Variants in HTR7 observed in about 807,000 individuals in gnomAD.
The protein encoded by HTR7 is 5-HT-7.
Under a neutral mutation model 34.0 loss-of-function variants are expected in HTR7, and 16 were observed. The observed-to-expected ratio is 0.47, with a 90% CI of 0.32 to 0.71. HTR7 has a LOEUF of 0.71. Ranked by LOEUF, HTR7 falls within the 30% of genes least tolerant of loss-of-function variation. HTR7 has a pLI of 0.04. For missense variants in HTR7, 504 were observed against 625.5 expected (o/e 0.81, Z 2.07); for synonymous variants, 265 against 260.2 (o/e 1.02, Z -0.18).
At chr10:90,838,298 T>A (rs1190996719) in intron 1 of HTR7, among the ~76,000 whole-genome samples, 1 of 152,172 alleles carries the variant, frequency 6.6e-6, no homozygotes, top group Non-Finnish European at 1.5e-5. Context: ...ACAAGAGTCA[T>A]CCTTCATGCC....
In HTR7 at chr10:90,779,284, A is replaced by T. The variant is rs147223766; in HGVS notation, c.540-29690T>A. Among the ~76,000 whole-genome samples, 77 of 152,354 alleles carry T rather than the reference A, an allele frequency of 5.1e-4. 1 individual carries two copies. Among genetic ancestry groups the T allele is most frequent in the Non-Finnish European group, 1.1e-3 (74 of 68,032 alleles). On this transcript the variant is annotated intron_variant, in intron 1 of 3. Coordinates refer to ENST00000336152, the MANE Select transcript of HTR7 (RefSeq NM_019859.4). ...AGGACAAATAGAGAAAGAGGGACCA[A>T]CATCACCAGGAATGACAAAATAGAA... is the stretch of plus-strand genomic sequence containing the variant.
In HTR7 at chr10:90,840,177, T is replaced by TCACACACACA. The variant is rs35170324; in HGVS notation, c.539+16946_539+16955dup. Among the ~76,000 whole-genome samples the TCACACACACA allele has an allele frequency of 9.1e-4, 125 of 136,884 alleles. 2 individuals carry two copies. Among genetic ancestry groups the TCACACACACA allele is most frequent in the African/African-American group, 3.0e-3 (111 of 36,546 alleles). The allele number at this position is 136,884 out of a possible 152,430, so 89.8% of individuals were successfully genotyped here. The stretch of plus-strand genomic sequence containing the variant: ...CTCCATCTGTTTCTCTCTCTCTCTC[T>TCACACACACA]CACACACACACACACACACACACAC... On this transcript the variant is annotated intron_variant, in intron 1 of 3. Transcript: ENST00000336152.
chr10:90,830,408 TG>T (rs1846148450), intron 1 of HTR7, among the ~76,000 whole-genome samples: 1 of 152,218 alleles, frequency 6.6e-6, no homozygotes, highest in African/African-American at 2.4e-5. Flanking sequence ...TTTTTTATTC[TG>T]GAACACCTAA....
intron 1 of HTR7, among the ~76,000 whole-genome samples, chr10:90,772,904 A>G (rs902800142): frequency 6.6e-6 from 1 of 152,204 alleles, no homozygotes; most frequent in African/African-American, 2.4e-5. Context: ...AAATGAGGAA[A>G]CTGAGGCTCA....
intron 1 of HTR7, among the ~76,000 whole-genome samples, chr10:90,803,293 G>A (rs777662273): frequency 2.6e-5 from 4 of 152,110 alleles, no homozygotes; most frequent in African/African-American, 9.7e-5. Flanking sequence ...GTTGGCATAT[G>A]AGGGTCTTGT....
chr10:90,856,513 A>C (rs1846582982), intron 1 of HTR7, among the ~76,000 whole-genome samples: 1 of 152,250 alleles, frequency 6.6e-6, no homozygotes, highest in African/African-American at 2.4e-5. Flanking sequence ...GAAAGGCTAG[A>C]ACCAGCCATT....
intron 1 of HTR7, among the ~76,000 whole-genome samples, chr10:90,848,971 A>G (rs1846453528): frequency 6.6e-6 from 1 of 152,248 alleles, no homozygotes; most frequent in Non-Finnish European, 1.5e-5. Flanking sequence ...CTGTGTTTTA[A>G]TAAGCTCTCC....
intron 1 of HTR7, among the ~76,000 whole-genome samples, chr10:90,851,604 C>CAAAAAA (rs34310653): frequency 2.9e-5 from 2 of 69,178 alleles, no homozygotes; most frequent in African/African-American, 1.2e-4. Flanking sequence ...GACTCCGTCC[C>CAAAAAA]AAAAAAAAAA....
chr10:90,849,046 T>C (rs1399518332), intron 1 of HTR7, among the ~76,000 whole-genome samples: 1 of 152,248 alleles, frequency 6.6e-6, no homozygotes, highest in African/African-American at 2.4e-5. Context: ...TGTATGAATA[T>C]ACCACAATTT....
At chr10:90,791,483 T>C (rs1245917502) in intron 1 of HTR7, among the ~76,000 whole-genome samples, 1 of 151,962 alleles carries the variant, frequency 6.6e-6, no homozygotes, top group Non-Finnish European at 1.5e-5. Flanking sequence ...CACAGAAAGA[T>C]TCAGAGGTAG....
chr10:90,798,398 G>A (rs1041921014), intron 1 of HTR7, among the ~76,000 whole-genome samples: 2 of 152,130 alleles, frequency 1.3e-5, no homozygotes, highest in African/African-American at 4.8e-5. Flanking sequence ...GGTTAAATTG[G>A]ACTGGGTTGG....
intron 1 of HTR7, among the ~76,000 whole-genome samples, chr10:90,843,261 T>C (rs1846358092): frequency 6.6e-6 from 1 of 152,194 alleles, no homozygotes; most frequent in Admixed American, 6.5e-5. Flanking sequence ...CAAAGTACTA[T>C]GCCAACAGGC....
At chr10:90,808,377 G>T (rs1410228631) in intron 1 of HTR7, among the ~76,000 whole-genome samples, 3 of 151,680 alleles carry the variant, frequency 2.0e-5, no homozygotes, top group South Asian at 4.2e-4. Flanking sequence ...CCGCCTTTCT[G>T]GGGGGCAAGA....
At chr10:90,768,051 A>T (rs973867060) in intron 1 of HTR7, among the ~76,000 whole-genome samples, 3 of 152,156 alleles carry the variant, frequency 2.0e-5, no homozygotes, top group Non-Finnish European at 4.4e-5. Context: ...CCATCTCGAC[A>T]TGTCCAAATA....
chr10:90,749,557 T>C lies in HTR7; in HGVS notation c.577A>G (p.Arg193Gly). 4 of 1,613,834 alleles carry C rather than the reference T, an allele frequency of 2.5e-6. No homozygotes were observed. Among genetic ancestry groups the C allele is most frequent in the Non-Finnish European group, 3.4e-6 (4 of 1,179,830 alleles). ...GITRPLTYPV[R>G]QNGKCMAKMI... is the part of the protein sequence containing the mutation. Reference sequence around the variant, plus strand: ...TTCGCCATGCATTTCCCATTCTGCCTCACAGGGTATGTGAGGGGCCTTGTG... The same window carrying C: ...TTCGCCATGCATTTCCCATTCTGCCCCACAGGGTATGTGAGGGGCCTTGTG... The change falls in exon 2 of 4, where the codon AGG becomes GGG. Residue 193 changes from arginine to glycine, a missense_variant. Physicochemically the swap from Arg to Gly is moderately radical, Grantham distance 125 (BLOSUM62 -2). Coordinates refer to ENST00000336152, the MANE Select transcript of HTR7 (RefSeq NM_019859.4). The surrounding 1 kb of genome is among the most constrained non-coding windows in gnomAD (Gnocchi z 4.2).
intron 1 of HTR7, among the ~76,000 whole-genome samples, chr10:90,795,922 T>C (rs1051984566): frequency 2.6e-5 from 4 of 152,144 alleles, no homozygotes; most frequent in Admixed American, 2.0e-4. Context: ...TTATTATCAA[T>C]AGAAAGGAAC....
intron 1 of HTR7, among the ~76,000 whole-genome samples, chr10:90,754,149 T>G (rs1382006749): frequency 6.6e-6 from 1 of 152,124 alleles, no homozygotes; most frequent in Non-Finnish European, 1.5e-5. Flanking sequence ...AGAAACAATC[T>G]GGTTCATAAA....
At position 90,857,781 on chromosome 10, in the gene HTR7, G is replaced by C; in HGVS notation, c.-110C>G. Reference sequence around the variant, plus strand: ...TTCCGCTCCGCCCGGCCCAGCCATGGGGCCCGCGCCGACCGCTGGGGGGCG... The same window carrying C: ...TTCCGCTCCGCCCGGCCCAGCCATGCGGCCCGCGCCGACCGCTGGGGGGCG... On this transcript the variant is annotated 5_prime_UTR_variant, in exon 1 of 4. Coordinates refer to ENST00000336152, the MANE Select transcript of HTR7 (RefSeq NM_019859.4). This position sits in a 1 kb window ranked among gnomAD's most constrained non-coding sequence, Gnocchi z 6.5. 8.9e-7 allele frequency: 1 copy of C among 1,118,466 alleles called. No homozygotes were observed. The highest frequency in any genetic ancestry group is 1.2e-6 in the Non-Finnish European group (1 of 869,002). 69.3% of individuals were successfully genotyped at this position (1,118,466 alleles called of 1,614,324 possible).
chr10:90,773,924 A>C (rs1348959411), intron 1 of HTR7, among the ~76,000 whole-genome samples: 1 of 152,108 alleles, frequency 6.6e-6, no homozygotes, highest in African/African-American at 2.4e-5. Context: ...GGGAGTGCAG[A>C]GGTGTTCTTC....
Sources: gnomAD v4.1 joint callset for allele counts (sites outside exome capture counted in the v4.1 genomes callset) on GRCh38, gnomAD v4.1.1 for gene constraint, Gnocchi (gnomAD v3.1) non-coding constraint, MANE v1.5 for transcripts, NCBI Gene and HGNC (gene_info 2026-07-23, HGNC 2026-07-21) for gene names.